PCNX2: variants seen among roughly 807,000 people sequenced by gnomAD.
PCNX2 encodes pecanex-like protein 2.
PCNX2 carries 168 observed loss-of-function variants against 223.8 expected under a neutral mutation model. The ratio of observed to expected loss-of-function variants is 0.75; its 90% CI spans 0.66 to 0.85. The LOEUF is 0.85. Among genes scored for constraint, PCNX2 ranks in the 40% least tolerant of loss-of-function variants. PCNX2 has a pLI of 0.00. For missense variants in PCNX2, 2,507 were observed against 2,675.5 expected, an observed-to-expected ratio of 0.94 and a Z score of 1.39; for synonymous variants, 1,006 against 1,052.6, an observed-to-expected ratio of 0.96 and a Z score of 0.86.
chr1:233,022,887 G>T (rs1359853456), intron 26 of PCNX2, among the ~76,000 whole-genome samples: 1 of 151,800 alleles, frequency 6.6e-6, no homozygotes, highest in East Asian at 1.9e-4. Flanking sequence ...AGTAGAGATG[G>T]GGTTTCTCCA....
chr1:233,316,362 A>G, the PCNX2 span, among the ~76,000 whole-genome samples: 1 of 151,872 alleles, frequency 6.6e-6, no homozygotes, highest in Non-Finnish European at 1.5e-5. Flanking sequence ...CACCACCATC[A>G]GCATTGTTGT....
At chr1:233,146,639 T>A (rs1677465135) in intron 19 of PCNX2, among the ~76,000 whole-genome samples, 1 of 152,210 alleles carries the variant, frequency 6.6e-6, no homozygotes. Flanking sequence ...CAGAGAGACA[T>A]GACAACCTTA....
intron 22 of PCNX2, among the ~76,000 whole-genome samples, chr1:233,092,497 A>G (rs1370967035): frequency 2.0e-5 from 3 of 152,220 alleles, no homozygotes; most frequent in Admixed American, 6.5e-5. Flanking sequence ...ATAAAGTTCA[A>G]TGTGGTAGGA....
intron 17 of PCNX2, among the ~76,000 whole-genome samples, chr1:233,173,277 C>G (rs983235381): frequency 1.3e-5 from 2 of 152,108 alleles, no homozygotes; most frequent in Non-Finnish European, 2.9e-5. Context: ...AGTGATTCTC[C>G]TGCCTCAGCC....
chr1:233,203,681 A>G (rs16858849), intron 13 of PCNX2, among the ~76,000 whole-genome samples: 30,871 of 151,894 alleles, frequency 0.2, 3,646 homozygotes, highest in East Asian at 0.54. Context: ...GACTTATCTC[A>G]TACCACTGGC....
intron 1 of PCNX2, among the ~76,000 whole-genome samples, chr1:233,263,411 G>A (rs1288463623): frequency 1.3e-5 from 2 of 151,220 alleles, no homozygotes; most frequent in African/African-American, 2.4e-5. Context: ...TTGCAGGCAG[G>A]AACCCCACAG....
chr1:233,243,127 T>C (rs1658876843), intron 8 of PCNX2, among the ~76,000 whole-genome samples: 1 of 152,194 alleles, frequency 6.6e-6, no homozygotes, highest in Non-Finnish European at 1.5e-5. Context: ...GGAGAGAAAT[T>C]TGTTTCCTCT....
upstream of PCNX2, among the ~76,000 whole-genome samples, chr1:233,299,924 AAAC>A (rs961269629): frequency 6.6e-5 from 10 of 152,312 alleles, no homozygotes; most frequent in East Asian, 1.9e-4. Context: ...CACATTCAGA[AAAC>A]AACAACAACA....
the PCNX2 span, among the ~76,000 whole-genome samples, chr1:233,317,555 G>C: frequency 6.6e-6 from 1 of 152,074 alleles, no homozygotes; most frequent in Non-Finnish European, 1.5e-5. Flanking sequence ...ATACTTGAGA[G>C]TCTTGGAAGT....
At chr1:233,216,855 T>C (rs527641676) in intron 12 of PCNX2, among the ~76,000 whole-genome samples, 2 of 152,224 alleles carry the variant, frequency 1.3e-5, no homozygotes, top group African/African-American at 4.8e-5. Context: ...TATATATATA[T>C]ATAATAGGAA....
chr1:233,240,874 C>A (rs1420661710), intron 8 of PCNX2, among the ~76,000 whole-genome samples: 1 of 152,204 alleles, frequency 6.6e-6, no homozygotes, highest in Non-Finnish European at 1.5e-5. Flanking sequence ...AGTCAAAATA[C>A]ATGTGCTTCT....
chr1:233,019,402 C>T (rs561970376), intron 26 of PCNX2, among the ~76,000 whole-genome samples: 1 of 152,048 alleles, frequency 6.6e-6, no homozygotes, highest in East Asian at 1.9e-4. Flanking sequence ...GAAAGCCCTT[C>T]GATATAAGGA....
intron 11 of PCNX2, 42 bp downstream of exon 11, chr1:233,217,989 G>C: frequency 6.2e-7 from 1 of 1,613,216 alleles, no homozygotes; most frequent in South Asian, 1.1e-5. Context: ...GGCTACATTA[G>C]TGACAGCACA....
At position 233,067,365 on chromosome 1, in the gene PCNX2, C is replaced by CAAAAAAAAAAAAAAAAAAAAAAAAAAA. The variant is rs750823791; in HGVS notation, c.4077-10102_4077-10076dup. ...AATAAATGAAAAAATAGAGCTTCAG[C>CAAAAAAAAAAAAAAAAAAAAAAAAAAA]AAAAAAAAAAAAAAAAAAAAAAAAA... On this transcript the variant is annotated intron_variant, in intron 23 of 33. Transcript: ENST00000258229. Among the ~76,000 whole-genome samples, 5 of 3,888 alleles carry CAAAAAAAAAAAAAAAAAAAAAAAAAAA rather than the reference C, an allele frequency of 1.3e-3. 1 individual carries two copies. Among genetic ancestry groups the CAAAAAAAAAAAAAAAAAAAAAAAAAAA allele is most frequent in the Admixed American group, 6.0e-3 (1 of 168 alleles). The allele number at this position is 3,888 out of a possible 152,430, so 2.6% of individuals were successfully genotyped here.
At chr1:233,098,137 A>C (rs1261518175) in intron 21 of PCNX2, among the ~76,000 whole-genome samples, 1 of 152,152 alleles carries the variant, frequency 6.6e-6, no homozygotes, top group Admixed American at 6.5e-5. Flanking sequence ...ATTGCCCCCA[A>C]ATGCCCTAAA....
At chr1:233,196,626 T>C (rs1680750053) in intron 15 of PCNX2, among the ~76,000 whole-genome samples, 1 of 152,134 alleles carries the variant, frequency 6.6e-6, no homozygotes, top group Admixed American at 6.5e-5. Context: ...CTATTCATTA[T>C]TGGAGAAATG....
At chr1:233,049,215 G>C (rs1306580103) in intron 25 of PCNX2, among the ~76,000 whole-genome samples, 3 of 152,118 alleles carry the variant, frequency 2.0e-5, no homozygotes, top group Non-Finnish European at 2.9e-5. Flanking sequence ...TATCCCTGAT[G>C]AATATAGATA....
intron 17 of PCNX2, among the ~76,000 whole-genome samples, chr1:233,170,445 T>C (rs2102841725): frequency 6.6e-6 from 1 of 152,318 alleles, no homozygotes; most frequent in East Asian, 1.9e-4. Flanking sequence ...TATTTCCTCA[T>C]TTGTGAAGTG....
intron 17 of PCNX2, among the ~76,000 whole-genome samples, chr1:233,171,911 C>T (rs1181155175): frequency 6.6e-6 from 1 of 151,590 alleles, no homozygotes; most frequent in Non-Finnish European, 1.5e-5. Flanking sequence ...GTTCTGGGTA[C>T]TTTCTTCTCT....
Sources: gnomAD v4.1 joint callset for allele counts (sites outside exome capture counted in the v4.1 genomes callset) on GRCh38, gnomAD v4.1.1 for gene constraint, MANE v1.5 for transcripts, NCBI Gene and HGNC (gene_info 2026-07-23, HGNC 2026-07-21) for gene names.